The following DENND5B variants were observed in gnomAD, a reference collection of about 807,000 sequenced individuals.
DENND5B encodes DENN domain-containing protein 5B.
A neutral mutation model predicts 140.6 loss-of-function variants in DENND5B; 34 were observed. That is an observed-to-expected ratio of 0.24 (90% CI 0.18 to 0.32). The LOEUF is 0.32. DENND5B is among the 10% of genes least tolerant of loss of function. The probability of loss-of-function intolerance (pLI) is 1.00; values close to 1 mark genes in which losing one functional copy is unlikely to be tolerated. For synonymous variants in DENND5B, 551 were observed against 562.1 expected (o/e 0.98, Z 0.28); for missense variants, 1,142 against 1,560.2 (o/e 0.73, Z 4.52).
intron 1 of DENND5B, among the ~76,000 whole-genome samples, chr12:31,505,447 G>C: frequency 6.6e-6 from 1 of 151,986 alleles, no homozygotes; most frequent in Non-Finnish European, 1.5e-5. Context: ...ATTTTGGCCA[G>C]GCTGGTCTCA....
intron 2 of DENND5B, among the ~76,000 whole-genome samples, chr12:31,482,453 C>T (rs1357354827): frequency 2.0e-5 from 3 of 152,196 alleles, no homozygotes; most frequent in Non-Finnish European, 4.4e-5. Context: ...TTGCCCAGGA[C>T]AAAAACCTTG....
intron 17 of DENND5B, 144 bp from the exon 18 acceptor site, chr12:31,392,840 G>T (rs2137287322): frequency 7.1e-6 from 5 of 707,454 alleles, no homozygotes; most frequent in East Asian, 2.9e-5. Flanking sequence ...ACTTGCCTCT[G>T]GCCTGTTTGG....
At chr12:31,389,552 G>C in intron 19 of DENND5B, 54 bp from the exon 20 acceptor site, 2 of 1,481,400 alleles carry the variant, frequency 1.4e-6, no homozygotes, top group Admixed American at 4.1e-5. Context: ...TTCATATATA[G>C]AAAGATTCAT....
intron 1 of DENND5B, among the ~76,000 whole-genome samples, chr12:31,584,287 C>T (rs1448275283): frequency 6.6e-6 from 1 of 152,214 alleles, no homozygotes; most frequent in Non-Finnish European, 1.5e-5. Context: ...CTCTTCCCCT[C>T]CCTTGTCTTC....
chr12:31,577,206 T>C (rs1456010363), intron 1 of DENND5B, among the ~76,000 whole-genome samples: 1 of 152,182 alleles, frequency 6.6e-6, no homozygotes, highest in Non-Finnish European at 1.5e-5. Flanking sequence ...TCTCAAACTA[T>C]AGGATAATTT....
At chr12:31,540,723 C>G (rs531936311) in intron 1 of DENND5B, among the ~76,000 whole-genome samples, 1 of 130,446 alleles carries the variant, frequency 7.7e-6, no homozygotes, top group African/African-American at 2.9e-5. Flanking sequence ...TTACATGGAA[C>G]CACAAAAGAC....
At chr12:31,418,125 T>C (rs1283152422) in intron 11 of DENND5B, among the ~76,000 whole-genome samples, 2 of 152,088 alleles carry the variant, frequency 1.3e-5, no homozygotes, top group African/African-American at 4.8e-5. Flanking sequence ...GGATGATAAA[T>C]AGGACATTTG....
intron 2 of DENND5B, among the ~76,000 whole-genome samples, chr12:31,490,258 G>A (rs916513917): frequency 6.6e-6 from 1 of 151,862 alleles, no homozygotes; most frequent in African/African-American, 2.4e-5. Flanking sequence ...GGGGTGGCGG[G>A]GGCAAAAGGG....
chr12:31,582,841 CAT>C (rs1193647005), intron 1 of DENND5B, among the ~76,000 whole-genome samples: 3 of 152,178 alleles, frequency 2.0e-5, no homozygotes, highest in African/African-American at 7.2e-5. Flanking sequence ...TATGATACAG[CAT>C]ATGTTACTAG....
At chr12:31,460,440 T>A in intron 3 of DENND5B, 59 bp from the exon 4 acceptor site, 1 of 1,523,692 alleles carries the variant, frequency 6.6e-7, no homozygotes, top group African/African-American at 1.4e-5. Context: ...AATCACTTCA[T>A]TAAGCTGGAA....
chr12:31,460,147 C>A, intron 4 of DENND5B, 47 bp downstream of exon 4: 1 of 1,562,468 alleles, frequency 6.4e-7, no homozygotes, highest in Non-Finnish European at 8.7e-7. Context: ...GTCGCCTTGA[C>A]CTAAATCAGC....
At chr12:31,390,000 G>GA (rs796676185) in intron 19 of DENND5B, among the ~76,000 whole-genome samples, 54 of 140,916 alleles carry the variant, frequency 3.8e-4, no homozygotes, top group East Asian at 1.2e-3. Context: ...CATTCCAGAA[G>GA]AAAAAAAAAA....
intron 1 of DENND5B, among the ~76,000 whole-genome samples, chr12:31,502,665 C>T (rs1258489096): frequency 6.6e-6 from 1 of 152,100 alleles, no homozygotes; most frequent in Non-Finnish European, 1.5e-5. Context: ...AGAGAGCTTG[C>T]TATCCACACC....
intron 1 of DENND5B, among the ~76,000 whole-genome samples, chr12:31,511,058 C>T (rs1302783029): frequency 6.6e-6 from 1 of 151,970 alleles, no homozygotes; most frequent in Non-Finnish European, 1.5e-5. Context: ...ACAGTGAGAC[C>T]CCATCTCTGC....
At chr12:31,461,999 G>C (rs1945042014) in intron 3 of DENND5B, among the ~76,000 whole-genome samples, 1 of 152,082 alleles carries the variant, frequency 6.6e-6, no homozygotes, top group Non-Finnish European at 1.5e-5. Context: ...TTTTGGTAAT[G>C]AATCATCAGT....
intron 14 of DENND5B, among the ~76,000 whole-genome samples, chr12:31,403,409 A>C (rs1367104175): frequency 1.8e-4 from 26 of 148,568 alleles, no homozygotes; most frequent in Non-Finnish European, 4.4e-5. Flanking sequence ...TTTTGCCAAC[A>C]TGGCAAAACC....
At chr12:31,515,961 C>A (rs1198644030) in intron 1 of DENND5B, among the ~76,000 whole-genome samples, 1 of 152,106 alleles carries the variant, frequency 6.6e-6, no homozygotes, top group Non-Finnish European at 1.5e-5. Flanking sequence ...GGCTTTAGAG[C>A]ATATCTTAAA....
intron 1 of DENND5B, among the ~76,000 whole-genome samples, chr12:31,527,106 T>C (rs967404143): frequency 6.6e-6 from 1 of 151,954 alleles, no homozygotes; most frequent in Non-Finnish European, 1.5e-5. Flanking sequence ...GAGGGTGATA[T>C]GGAAAAACAT....
intron 7 of DENND5B, among the ~76,000 whole-genome samples, chr12:31,438,357 T>C (rs79898933): frequency 0.022 from 3,396 of 152,306 alleles, 119 homozygotes; most frequent in African/African-American, 0.077. Flanking sequence ...CCTCATGAAA[T>C]GTATTCATTA....
Sources: allele counts gnomAD v4.1 joint callset (sites outside exome capture counted in the v4.1 genomes callset), GRCh38; gene constraint gnomAD v4.1.1; transcripts MANE v1.5; gene names NCBI Gene and HGNC (gene_info 2026-07-23, HGNC 2026-07-21).